ARHGEF7: variants seen among roughly 807,000 people sequenced by gnomAD.
ARHGEF7 encodes Rho guanine nucleotide exchange factor 7, also known as PAK-interacting exchange factor beta.
A neutral mutation model predicts 109.8 loss-of-function variants in ARHGEF7; 33 were observed. The ratio of observed to expected loss-of-function variants is 0.30; its 90% CI spans 0.23 to 0.40. The LOEUF is 0.40. Ranked by LOEUF, ARHGEF7 falls within the 10% of genes least tolerant of loss-of-function variation. ARHGEF7 has a pLI of 1.00. For missense variants in ARHGEF7, 938 were observed against 1,098.5 expected (o/e 0.85, Z 2.07); for synonymous variants, 458 against 424.6 (o/e 1.08, Z -0.97).
chr13:111,177,363 T>A (rs1387599611), intron 2 of ARHGEF7, among the ~76,000 whole-genome samples: 1 of 152,218 alleles, frequency 6.6e-6, no homozygotes, highest in Non-Finnish European at 1.5e-5. Flanking sequence ...GGAGTCCACA[T>A]TCTTCCTGTT....
Position 111,115,428 on chromosome 13 carries a change from T to C in ARHGEF7, c.-99T>C, listed in dbSNP as rs2066664811. On this transcript the variant is annotated 5_prime_UTR_variant, in exon 1 of 22. An upstream start codon of the reference 5' UTR is lost. Transcript: ENST00000646102. ...CCAATCGCCGGCGCCGGCCGCTCGA[T>C]GGGCGAGGCGGCGGCGGCGGCGGCG... The C allele has an allele frequency of 4.3e-6, 4 of 921,436 alleles. No individual in the cohort carries two copies. The highest frequency in any genetic ancestry group is 5.2e-6 in the Non-Finnish European group (4 of 775,164). The allele number at this position is 921,436 out of a possible 1,614,324, so 57.1% of individuals were successfully genotyped here. A position where few individuals can be genotyped will look rare whatever the true frequency, so the allele number is the denominator to read the frequency against.
intron 1 of ARHGEF7, among the ~76,000 whole-genome samples, chr13:111,152,092 T>G (rs758840383): frequency 7.2e-5 from 11 of 152,204 alleles, no homozygotes; most frequent in Non-Finnish European, 1.6e-4. Flanking sequence ...TAGAGGTTAC[T>G]TGCCAAAAAA....
In ARHGEF7 at chr13:111,286,138, T is replaced by G; in HGVS notation, c.1951-9T>G. The stretch of plus-strand genomic sequence containing the variant: ...GAGTATGTTAGCATTTTCTTTTGTC[T>G]TTCCCTAGGATCTTAGTAAGAGCCC... On this transcript the variant is annotated splice_polypyrimidine_tract_variant and intron_variant, in intron 16 of 21. Coordinates refer to ENST00000646102, the MANE Select transcript of ARHGEF7 (RefSeq NM_001354046.2). 1 of 1,608,956 alleles carries G rather than the reference T, an allele frequency of 6.2e-7. No homozygotes were observed. The highest frequency in any genetic ancestry group is 8.5e-7 in the Non-Finnish European group (1 of 1,175,360).
At chr13:111,215,961 G>A (rs1444078872) in intron 4 of ARHGEF7, among the ~76,000 whole-genome samples, 12 of 152,098 alleles carry the variant, frequency 7.9e-5, no homozygotes, top group East Asian at 1.9e-4. Flanking sequence ...TCAGAAAGTG[G>A]TGCGTGGGAG....
intron 17 of ARHGEF7, among the ~76,000 whole-genome samples, chr13:111,286,799 G>A (rs1320705593): frequency 6.6e-6 from 1 of 152,220 alleles, no homozygotes; most frequent in African/African-American, 2.4e-5. Flanking sequence ...TTTTGAATAA[G>A]TGGAGCTCTT....
Position 111,239,013 on chromosome 13 carries a change from A to G in ARHGEF7, c.760-4859A>G, listed in dbSNP as rs541391647. Among the ~76,000 whole-genome samples, 4 of 152,188 alleles carry G rather than the reference A, an allele frequency of 2.6e-5. No individual in the cohort carries two copies. The highest frequency in any genetic ancestry group is 5.9e-5 in the Non-Finnish European group (4 of 68,038). On this transcript the variant is annotated intron_variant, in intron 6 of 21. Transcript: ENST00000646102. This position sits in a 1 kb window ranked among gnomAD's most constrained non-coding sequence, Gnocchi z 4.3. ...GGCGGAAGGCACCTCTTCACGAAGC[A>G]GTGGGAGAGAGAATGAGTGCCAACA...
In ARHGEF7 at chr13:111,273,786, A is replaced by G. The variant is rs1237816728; in HGVS notation, c.1074-28A>G. The G allele has an allele frequency of 6.2e-7, 1 of 1,612,874 alleles. No homozygotes were observed. Among genetic ancestry groups the G allele is most frequent in the Admixed American group, 1.7e-5 (1 of 60,004 alleles). On this transcript the variant is annotated intron_variant, in intron 9 of 21. Transcript: ENST00000646102. This position sits in a 1 kb window ranked among gnomAD's most constrained non-coding sequence, Gnocchi z 4.5. ...CCATTGTCTCTCATTGCTAACCACGAGTGTCTCTCTTGCCACTTGCTGCCC... is the reference window on the plus strand; with the variant it reads ...CCATTGTCTCTCATTGCTAACCACGGGTGTCTCTCTTGCCACTTGCTGCCC...
intron 1 of ARHGEF7, among the ~76,000 whole-genome samples, chr13:111,121,989 G>T (rs1566587749): frequency 6.6e-6 from 1 of 152,222 alleles, no homozygotes; most frequent in Non-Finnish European, 1.5e-5. Context: ...TCCCCATCGT[G>T]TCCAGAAGAC....
At chr13:111,186,217 C>G (rs1022486981) in intron 2 of ARHGEF7, among the ~76,000 whole-genome samples, 1 of 152,114 alleles carries the variant, frequency 6.6e-6, no homozygotes, top group African/African-American at 2.4e-5. Context: ...CCTGCCTTCC[C>G]GTTGCTGTGC....
chr13:111,208,047 G>A (rs1263577332), intron 3 of ARHGEF7, among the ~76,000 whole-genome samples: 3 of 152,132 alleles, frequency 2.0e-5, no homozygotes, highest in African/African-American at 4.8e-5. Flanking sequence ...ATACCCGTAC[G>A]TTTTCTTTTT....
At chr13:111,293,180 G>A (rs2093342144) in intron 19 of ARHGEF7, 2 of 985,406 alleles carry the variant, frequency 2.0e-6, no homozygotes, top group Non-Finnish European at 1.2e-6. Context: ...TGCAAGTGTA[G>A]ACTACTGGAC....
At chr13:111,120,231 A>G (rs71442806) in intron 1 of ARHGEF7, among the ~76,000 whole-genome samples, 14,709 of 152,334 alleles carry the variant, frequency 0.097, 760 homozygotes, top group Non-Finnish European at 0.11. Flanking sequence ...TTGCTGGCTC[A>G]CTAAAAAGAA....
At chr13:111,177,245 G>A (rs535738742) in intron 2 of ARHGEF7, among the ~76,000 whole-genome samples, 47 of 152,244 alleles carry the variant, frequency 3.1e-4, no homozygotes, top group Non-Finnish European at 5.6e-4. Context: ...TGTGGCCGGG[G>A]CTGAGGCTGG....
intron 4 of ARHGEF7, 61 bp from the exon 5 acceptor site, chr13:111,217,618 T>C (rs2083295255): frequency 6.9e-7 from 1 of 1,445,260 alleles, no homozygotes; most frequent in African/African-American, 1.4e-5. Context: ...GTATAATCCA[T>C]TTTATAATGA....
intron 1 of ARHGEF7, among the ~76,000 whole-genome samples, chr13:111,123,868 C>CG (rs1021493293): frequency 9.0e-5 from 13 of 145,236 alleles, no homozygotes; most frequent in Admixed American, 6.8e-4. Context: ...CTGCGCCCCC[C>CG]CCCCCCGGCC....
intron 1 of ARHGEF7, among the ~76,000 whole-genome samples, chr13:111,140,973 A>T (rs906483680): frequency 4.6e-5 from 7 of 152,108 alleles, no homozygotes; most frequent in African/African-American, 1.7e-4. Context: ...TCTAGGCATG[A>T]ACTACCACAC....
intron 5 of ARHGEF7, among the ~76,000 whole-genome samples, chr13:111,222,282 A>C (rs187469558): frequency 6.6e-6 from 1 of 152,264 alleles, no homozygotes; most frequent in East Asian, 1.9e-4. Flanking sequence ...AATTCAAGAA[A>C]TGTCATTTTT....
intron 1 of ARHGEF7, among the ~76,000 whole-genome samples, chr13:111,132,837 T>G (rs2074833019): frequency 6.6e-6 from 1 of 152,094 alleles, no homozygotes. Context: ...TCCTTTTTTT[T>G]TTAGAGGAAG....
intron 19 of ARHGEF7, chr13:111,295,196 C>G (rs2274204): frequency 1.0e-6 from 1 of 985,518 alleles, no homozygotes; most frequent in Non-Finnish European, 1.2e-6. Flanking sequence ...TTTGCTAGCC[C>G]GTGGCTTTTA....
Sources: allele counts gnomAD v4.1 joint callset (sites outside exome capture counted in the v4.1 genomes callset), GRCh38; gene constraint gnomAD v4.1.1; non-coding constraint Gnocchi (gnomAD v3.1); transcripts MANE v1.5; gene names NCBI Gene and HGNC (gene_info 2026-07-23, HGNC 2026-07-21).